DNER: variants seen among roughly 807,000 people sequenced by gnomAD.
The protein encoded by DNER is delta and Notch-like epidermal growth factor-related receptor.
Under a neutral mutation model 78.2 loss-of-function variants are expected in DNER, and 33 were observed. The ratio of observed to expected loss-of-function variants is 0.42; its 90% CI spans 0.32 to 0.56. DNER has a LOEUF of 0.56. Among genes scored for constraint, DNER ranks in the 20% least tolerant of loss-of-function variants. The pLI is 0.11. For synonymous variants in DNER, 417 were observed against 384.8 expected, an observed-to-expected ratio of 1.08 and a Z score of -0.98; for missense variants, 918 against 975.3, an observed-to-expected ratio of 0.94 and a Z score of 0.78.
intron 1 of DNER, among the ~76,000 whole-genome samples, chr2:229,627,974 G>A (rs1011739131): frequency 6.6e-6 from 1 of 152,172 alleles, no homozygotes; most frequent in African/African-American, 2.4e-5. Context: ...CAATCAGGAG[G>A]TAGAGTCCTT....
chr2:229,535,747 G>A (rs903430560), intron 5 of DNER, among the ~76,000 whole-genome samples: 4 of 151,892 alleles, frequency 2.6e-5, no homozygotes, highest in Non-Finnish European at 4.4e-5. Context: ...GGGTTCCAGC[G>A]ACTCTCCTGC....
chr2:229,488,303 T>C (rs976017724), intron 6 of DNER, among the ~76,000 whole-genome samples: 2 of 152,228 alleles, frequency 1.3e-5, no homozygotes, highest in Non-Finnish European at 2.9e-5. Flanking sequence ...TGTGTGGATG[T>C]GGATGTGGGG....
chr2:229,654,189 C>T (rs1451026232), intron 1 of DNER, among the ~76,000 whole-genome samples: 1 of 151,992 alleles, frequency 6.6e-6, no homozygotes, highest in Admixed American at 6.6e-5. Flanking sequence ...TGTTCAGTTC[C>T]CACCTATGAG....
intron 1 of DNER, among the ~76,000 whole-genome samples, chr2:229,688,006 T>C (rs1033472589): frequency 1.3e-5 from 2 of 152,226 alleles, no homozygotes; most frequent in Non-Finnish European, 2.9e-5. Context: ...GCCAATCCAC[T>C]GCCATTGCAA....
At chr2:229,364,452 G>A (rs12694809) in intron 12 of DNER, among the ~76,000 whole-genome samples, 58,800 of 151,940 alleles carry the variant, frequency 0.39, 12,250 homozygotes, top group Non-Finnish European at 0.45. Flanking sequence ...AATTAAGGTG[G>A]GGCTTGCAAG....
intron 6 of DNER, among the ~76,000 whole-genome samples, chr2:229,505,219 T>TGTGTGTGTGTGTGTGTGTGTG (rs56268741): frequency 1.3e-5 from 2 of 149,250 alleles, no homozygotes; most frequent in East Asian, 2.0e-4. Context: ...TGTGTGTGTG[T>TGTGTGTGTGTGTGTGTGTGTG]TGGCTACAAT....
intron 7 of DNER, among the ~76,000 whole-genome samples, chr2:229,451,116 C>T (rs763412270): frequency 4.6e-5 from 7 of 152,170 alleles, no homozygotes; most frequent in African/African-American, 1.2e-4. Context: ...CTTCCTAGTA[C>T]GGTTCCCAGT....
At chr2:229,556,209 G>A (rs898095087) in intron 4 of DNER, among the ~76,000 whole-genome samples, 9 of 152,234 alleles carry the variant, frequency 5.9e-5, no homozygotes, top group African/African-American at 1.4e-4. Context: ...CTGAACTCGC[G>A]TCCACCAGTG....
intron 5 of DNER, among the ~76,000 whole-genome samples, chr2:229,526,090 C>T (rs907738869): frequency 6.6e-6 from 1 of 152,136 alleles, no homozygotes; most frequent in African/African-American, 2.4e-5. Context: ...ATAGGGGTCT[C>T]TGGAAGAAAC....
At chr2:229,646,186 G>A (rs1202062534) in intron 1 of DNER, among the ~76,000 whole-genome samples, 2 of 152,120 alleles carry the variant, frequency 1.3e-5, no homozygotes, top group African/African-American at 2.4e-5. Context: ...ATCCTGTCCC[G>A]AGTGTGATTA....
At chr2:229,359,757 A>C (rs1374170609) in intron 12 of DNER, among the ~76,000 whole-genome samples, 1 of 152,178 alleles carries the variant, frequency 6.6e-6, no homozygotes, top group Non-Finnish European at 1.5e-5. Context: ...ATCAAGCGGG[A>C]AATGAGAAAA....
chr2:229,389,197 C>T (rs1204189035), intron 10 of DNER, among the ~76,000 whole-genome samples: 1 of 152,010 alleles, frequency 6.6e-6, no homozygotes, highest in Non-Finnish European at 1.5e-5. Context: ...CTGACCCTGG[C>T]TAGACCCAAC....
intron 10 of DNER, among the ~76,000 whole-genome samples, chr2:229,395,897 C>CA (rs1197977769): frequency 4.1e-5 from 6 of 147,880 alleles, no homozygotes; most frequent in East Asian, 4.0e-4. Context: ...GACTCTGTCT[C>CA]AAAAAAAAAG....
intron 1 of DNER, among the ~76,000 whole-genome samples, chr2:229,685,591 C>T (rs191571258): frequency 6.6e-6 from 1 of 152,270 alleles, no homozygotes; most frequent in East Asian, 1.9e-4. Flanking sequence ...AATGGATAAA[C>T]GGGCCTGTGT....
intron 6 of DNER, among the ~76,000 whole-genome samples, chr2:229,479,924 G>A (rs1003037851): frequency 6.6e-6 from 1 of 152,080 alleles, no homozygotes; most frequent in Non-Finnish European, 1.5e-5. Context: ...GAGGCAGTGT[G>A]GCCTAAAGGA....
chr2:229,603,836 A>G (rs1327890904), intron 1 of DNER, among the ~76,000 whole-genome samples: 1 of 152,054 alleles, frequency 6.6e-6, no homozygotes, highest in Non-Finnish European at 1.5e-5. Flanking sequence ...AACACCTACC[A>G]TATACACATA....
intron 5 of DNER, among the ~76,000 whole-genome samples, chr2:229,530,024 T>C (rs966312633): frequency 6.7e-6 from 1 of 150,218 alleles, no homozygotes; most frequent in African/African-American, 2.5e-5. Context: ...ATGAAGAAGG[T>C]TAATAGAAAA....
chr2:229,695,296 G>T (rs1319340758), intron 1 of DNER, among the ~76,000 whole-genome samples: 2 of 152,164 alleles, frequency 1.3e-5, no homozygotes, highest in Non-Finnish European at 2.9e-5. Context: ...TAGGGGAAAT[G>T]CCTCCTCCAA....
At chr2:229,713,424 G>C (rs1266143167) in intron 1 of DNER, among the ~76,000 whole-genome samples, 1 of 152,226 alleles carries the variant, frequency 6.6e-6, no homozygotes, top group Non-Finnish European at 1.5e-5. Flanking sequence ...CCGGTGCCCT[G>C]CTCACGCCCC....
Sources: gnomAD v4.1 joint callset for allele counts (sites outside exome capture counted in the v4.1 genomes callset) on GRCh38, gnomAD v4.1.1 for gene constraint, MANE v1.5 for transcripts, NCBI Gene and HGNC (gene_info 2026-07-23, HGNC 2026-07-21) for gene names.